Variants in TECRL observed in about 807,000 individuals in gnomAD.
The protein encoded by TECRL is trans-2,3-enoyl-CoA reductase like.
TECRL carries 63 observed loss-of-function variants against 52.8 expected under a neutral mutation model. That is an observed-to-expected ratio of 1.19 (90% CI 0.97 to 1.47). The LOEUF (loss-of-function observed/expected upper bound fraction) is 1.47, where lower values mean the gene tolerates loss of function less well. Among genes scored for constraint, TECRL ranks in the 40% most tolerant of loss-of-function variants. The pLI is 0.00. For missense variants in TECRL, 482 were observed against 429.6 expected, an observed-to-expected ratio of 1.12 and a Z score of -1.08; for synonymous variants, 164 against 141.9, an observed-to-expected ratio of 1.16 and a Z score of -1.10.
At chr4:64,341,427 C>A (rs1029739836) in intron 2 of TECRL, among the ~76,000 whole-genome samples, 10 of 152,036 alleles carry the variant, frequency 6.6e-5, no homozygotes, top group African/African-American at 2.2e-4. Flanking sequence ...TGGCAAAAAC[C>A]CATCTCTACT....
intron 1 of TECRL, among the ~76,000 whole-genome samples, chr4:64,392,783 T>G (rs1266462669): frequency 2.6e-5 from 4 of 152,000 alleles, no homozygotes; most frequent in Non-Finnish European, 1.5e-5. Context: ...AGCAATTTCA[T>G]CAGGCCTATG....
chr4:64,284,754 C>T (rs983543576), intron 9 of TECRL, among the ~76,000 whole-genome samples: 1 of 152,056 alleles, frequency 6.6e-6, no homozygotes, highest in African/African-American at 2.4e-5. Context: ...GGATACCCAA[C>T]AATGCTATTG....
At chr4:64,322,887 T>C (rs1179823324) in intron 3 of TECRL, 95 bp from the exon 4 acceptor site, 1 of 861,618 alleles carries the variant, frequency 1.2e-6, no homozygotes, top group Non-Finnish European at 1.7e-6. Context: ...AAGCTAAAGA[T>C]TAATTTAATA....
rs373095709 is a variant in TECRL at position 64,331,194 on chromosome 4, C to T, written c.287-2638G>A. On this transcript the variant is annotated intron_variant, in intron 2 of 11. Coordinates refer to ENST00000381210, the MANE Select transcript of TECRL (RefSeq NM_001010874.5). The stretch of plus-strand genomic sequence containing the variant: ...TCCAGTACAGGTAAAATATGTCAAT[C>T]TCTGCCTGTTCAAAGATAGAAAATA... Among the ~76,000 whole-genome samples the T allele has an allele frequency of 2.0e-5, 3 of 152,180 alleles. No homozygotes were observed. In the East Asian group the frequency reaches 5.8e-4, roughly 29 times the overall value.
At chr4:64,338,036 A>G (rs956685266) in intron 2 of TECRL, among the ~76,000 whole-genome samples, 3 of 152,328 alleles carry the variant, frequency 2.0e-5, no homozygotes, top group Non-Finnish European at 2.9e-5. Flanking sequence ...AAACAATACT[A>G]TAAGGCTACA....
At chr4:64,406,291 A>G (rs1724723015) in intron 1 of TECRL, among the ~76,000 whole-genome samples, 1 of 151,848 alleles carries the variant, frequency 6.6e-6, no homozygotes, top group African/African-American at 2.4e-5. Flanking sequence ...TGTCCATTTT[A>G]AAGTTTGAGT....
chr4:64,374,820 A>G (rs1268495404), intron 2 of TECRL, among the ~76,000 whole-genome samples: 1 of 152,038 alleles, frequency 6.6e-6, no homozygotes, highest in Non-Finnish European at 1.5e-5. Context: ...TTTGTTGGAC[A>G]TTTGGTTTGG....
chr4:64,409,051 CAAT>C, intron 1 of TECRL, 64 bp downstream of exon 1: 1 of 1,312,370 alleles, frequency 7.6e-7, no homozygotes, highest in Non-Finnish European at 1.0e-6. Context: ...ATCAAGCAAT[CAAT>C]AATATTTGGG....
intron 2 of TECRL, among the ~76,000 whole-genome samples, chr4:64,362,855 C>A (rs1721293366): frequency 6.6e-6 from 1 of 151,800 alleles, no homozygotes; most frequent in Admixed American, 6.6e-5. Flanking sequence ...TCTATATTAA[C>A]CTCAATGTAA....
chr4:64,306,479 T>A (rs1001490420), intron 6 of TECRL, among the ~76,000 whole-genome samples: 1 of 152,288 alleles, frequency 6.6e-6, no homozygotes, highest in African/African-American at 2.4e-5. Flanking sequence ...ATTTTCTTTC[T>A]TTTGAGACTA....
intron 1 of TECRL, among the ~76,000 whole-genome samples, chr4:64,405,235 T>G (rs975760336): frequency 6.6e-6 from 1 of 152,090 alleles, no homozygotes. Context: ...TTGACTAGTT[T>G]TGAGGAGCAA....
intron 1 of TECRL, among the ~76,000 whole-genome samples, chr4:64,382,217 AT>A (rs1560545385): frequency 0.018 from 52 of 2,916 alleles, no homozygotes; most frequent in South Asian, 0.12. Flanking sequence ...ATATATATAT[AT>A]ATATATATAT....
chr4:64,321,653 A>T (rs78416611), intron 4 of TECRL, among the ~76,000 whole-genome samples: 9 of 152,118 alleles, frequency 5.9e-5, no homozygotes, highest in Non-Finnish European at 1.2e-4. Context: ...TCTATTACCC[A>T]TGAGTGTTTC....
At position 64,398,855 on chromosome 4, in the gene TECRL, C is replaced by T. The variant is rs115176901; in HGVS notation, c.234+10263G>A. ...TGGGACCAAAATTCTGATAATGATA[C>T]GGACAGTGAATTCTAGGCTGAAGAT... On this transcript the variant is annotated intron_variant, in intron 1 of 11. Transcript: ENST00000381210. Among the ~76,000 whole-genome samples, 1,049 of 152,164 alleles carry T rather than the reference C, an allele frequency of 6.9e-3. 10 individuals are homozygous for T. The highest frequency in any genetic ancestry group is 0.024 in the African/African-American group (992 of 41,528).
chr4:64,325,112 G>T (rs1718167500), intron 3 of TECRL, among the ~76,000 whole-genome samples: 2 of 152,142 alleles, frequency 1.3e-5, no homozygotes, highest in African/African-American at 4.8e-5. Flanking sequence ...GATGGAGAAG[G>T]TCAACGTCAA....
intron 1 of TECRL, among the ~76,000 whole-genome samples, chr4:64,388,572 A>G (rs1003583431): frequency 3.3e-4 from 50 of 151,802 alleles, no homozygotes; most frequent in Non-Finnish European, 1.2e-4. Flanking sequence ...ACTTGCTGGG[A>G]TTTTAGTAGG....
At chr4:64,337,492 T>C (rs1267295712) in intron 2 of TECRL, among the ~76,000 whole-genome samples, 2 of 152,208 alleles carry the variant, frequency 1.3e-5, no homozygotes, top group East Asian at 3.9e-4. Flanking sequence ...AAACTGTCCC[T>C]GTTTGCAGAT....
At chr4:64,362,294 A>G (rs1721253827) in intron 2 of TECRL, among the ~76,000 whole-genome samples, 1 of 152,148 alleles carries the variant, frequency 6.6e-6, no homozygotes, top group African/African-American at 2.4e-5. Context: ...TCTGTCCACA[A>G]AAATTTCCCC....
chr4:64,280,319 A>G lies in TECRL; in HGVS notation c.965-120T>C, dbSNP rs1317227081. The G allele has an allele frequency of 6.0e-6, 5 of 835,334 alleles. No homozygotes were observed. In the African/African-American group the frequency reaches 8.8e-5, roughly 15 times the overall value. The allele number at this position is 835,334 out of a possible 1,614,324, so 51.7% of individuals were successfully genotyped here. On this transcript the variant is annotated intron_variant, in intron 11 of 11. Transcript: ENST00000381210. ...TTTCTCAAATGTTGCATAATTTCTT[A>G]TCAATTTTCATTATTCATACCCATT...
Sources: gnomAD v4.1 joint callset for allele counts (sites outside exome capture counted in the v4.1 genomes callset) on GRCh38, gnomAD v4.1.1 for gene constraint, MANE v1.5 for transcripts, NCBI Gene and HGNC (gene_info 2026-07-23, HGNC 2026-07-21) for gene names.